Variants in MMRN2 observed in about 807,000 individuals in gnomAD.
MMRN2 encodes multimerin-2.
A neutral mutation model predicts 68.8 loss-of-function variants in MMRN2; 53 were observed. The observed-to-expected ratio is 0.77, with a 90% confidence interval of 0.62 to 0.97. MMRN2 has a LOEUF of 0.97. Ranked by LOEUF, MMRN2 falls within the 50% of genes least tolerant of loss-of-function variation. MMRN2 has a pLI of 0.00. For missense variants in MMRN2, 1,266 were observed against 1,259.5 expected (o/e 1.01, Z -0.08); for synonymous variants, 564 against 551.6 (o/e 1.02, Z -0.32).
chr10:86,946,561 G>C (rs1844071843), intron 1 of MMRN2, among the ~76,000 whole-genome samples: 2 of 152,218 alleles, frequency 1.3e-5, no homozygotes, highest in Non-Finnish European at 2.9e-5. Flanking sequence ...CCCTTCACCA[G>C]CATGTACTGT....
At chr10:86,945,977 C>T (rs1163531592) in intron 1 of MMRN2, among the ~76,000 whole-genome samples, 1 of 152,188 alleles carries the variant, frequency 6.6e-6, no homozygotes, top group African/African-American at 2.4e-5. Context: ...AAAGCAGCTC[C>T]AGGGTGATGA....
intron 6 of MMRN2, 149 bp downstream of exon 6, chr10:86,942,168 C>G: frequency 1.1e-6 from 1 of 899,312 alleles, no homozygotes; most frequent in Non-Finnish European, 1.6e-6. Context: ...CCCTGAGAAG[C>G]AGGTGGGCCA....
intron 6 of MMRN2, among the ~76,000 whole-genome samples, chr10:86,937,797 A>G (rs1020767819): frequency 8.5e-5 from 13 of 152,180 alleles, no homozygotes; most frequent in Admixed American, 6.5e-4. Flanking sequence ...GAAAATATCC[A>G]TCCTCAAGGT....
intron 1 of MMRN2, among the ~76,000 whole-genome samples, chr10:86,955,987 G>A (rs1393660351): frequency 6.6e-6 from 1 of 152,088 alleles, no homozygotes; most frequent in African/African-American, 2.4e-5. Context: ...CCAAGGGGGT[G>A]GGGAGGAAGA....
At chr10:86,939,735 G>A (rs1843936697) in intron 6 of MMRN2, among the ~76,000 whole-genome samples, 1 of 151,972 alleles carries the variant, frequency 6.6e-6, no homozygotes, top group Non-Finnish European at 1.5e-5. Flanking sequence ...TGCAAACTCA[G>A]AGTGTGCTTC....
At position 86,936,248 on chromosome 10, in the gene MMRN2, G is replaced by C; in HGVS notation, c.*495C>G. 1 of 410,860 alleles carries C rather than the reference G, an allele frequency of 2.4e-6. No homozygotes were observed. 25.5% of individuals were successfully genotyped at this position (410,860 alleles called of 1,614,324 possible). ...TGACTAATAGAGACCAAGCAGGTTG[G>C]TTTAATCCCATTGCCCTCTAGTGCT... is the stretch of plus-strand genomic sequence containing the variant. On this transcript the variant is annotated 3_prime_UTR_variant, in exon 7 of 7. Coordinates refer to ENST00000372027, the MANE Select transcript of MMRN2 (RefSeq NM_024756.3).
intron 1 of MMRN2, chr10:86,954,231 G>T: frequency 6.5e-6 from 1 of 152,704 alleles, no homozygotes; most frequent in Non-Finnish European, 1.5e-5. Context: ...GTGGATGTGG[G>T]GCTCCTCTGG....
intron 6 of MMRN2, among the ~76,000 whole-genome samples, chr10:86,940,379 G>A (rs1307763469): frequency 1.3e-5 from 2 of 152,126 alleles, no homozygotes; most frequent in Admixed American, 6.5e-5. Context: ...TTTCCAAACC[G>A]TGGGGCAAAT....
Position 86,944,388 on chromosome 10 carries a change from G to T in MMRN2, c.529C>A (p.Gln177Lys). ...INEVEVQQEQ[Q>K]EHLLGDLQND... ...TGGAGATCTCCCAGCAGATGTTCCT[G>T]CTGTTCCTGTTGCACCTCAACCTCA... The change falls in exon 5 of 7, where the codon CAG becomes AAG. Residue 177 changes from glutamine to lysine, a missense_variant. Gln to Lys is a moderately conservative substitution (Grantham distance 53). Transcript: ENST00000372027. The T allele has an allele frequency of 1.2e-6, 2 of 1,614,016 alleles. No homozygotes were observed. Among genetic ancestry groups the T allele is most frequent in the Non-Finnish European group, 1.7e-6 (2 of 1,180,024 alleles).
chr10:86,938,429 C>T (rs570916110), intron 6 of MMRN2, among the ~76,000 whole-genome samples: 13 of 152,344 alleles, frequency 8.5e-5, no homozygotes, highest in African/African-American at 2.6e-4. Flanking sequence ...GGCCCATGCA[C>T]GGGCACAGAA....
intron 1 of MMRN2, among the ~76,000 whole-genome samples, chr10:86,952,682 G>T (rs1324485683): frequency 6.6e-6 from 1 of 152,182 alleles, no homozygotes; most frequent in Non-Finnish European, 1.5e-5. Flanking sequence ...CTGAGGAAAC[G>T]GGGCAAGGAC....
At chr10:86,953,062 C>T (rs753386565) in intron 1 of MMRN2, among the ~76,000 whole-genome samples, 1 of 152,124 alleles carries the variant, frequency 6.6e-6, no homozygotes, top group Admixed American at 6.5e-5. Context: ...CTCCTTTTGC[C>T]CGACCCCGCA....
Position 86,939,461 on chromosome 10 carries a change from C to CAAA in MMRN2, c.2468-2339_2468-2337dup, listed in dbSNP as rs34692290. 2.2e-3 allele frequency among the ~76,000 whole-genome samples: 162 copies of CAAA among 74,582 alleles called. 3 individuals are homozygous for CAAA. The highest frequency in any genetic ancestry group is 7.9e-3 in the Middle Eastern group (1 of 126). 48.9% of individuals were successfully genotyped at this position (74,582 alleles called of 152,430 possible). Reference sequence around the variant, plus strand: ...TGAGCGAAAGGGCGAGACTCCGTCTCAAAAAAAAAAAAAAAAAAAAAAAAA... The same window carrying CAAA: ...TGAGCGAAAGGGCGAGACTCCGTCTCAAAAAAAAAAAAAAAAAAAAAAAAAAAA... On this transcript the variant is annotated intron_variant, in intron 6 of 6. Coordinates refer to ENST00000372027, the MANE Select transcript of MMRN2 (RefSeq NM_024756.3).
intron 1 of MMRN2, among the ~76,000 whole-genome samples, chr10:86,947,441 T>G (rs1589304497): frequency 6.6e-6 from 1 of 151,936 alleles, no homozygotes; most frequent in African/African-American, 2.4e-5. Context: ...AATCTCGGCT[T>G]GCTGCAACCT....
In MMRN2 at chr10:86,942,784, T is replaced by C; in HGVS notation, c.2000A>G (p.Gln667Arg). The C allele has an allele frequency of 7.3e-7, 1 of 1,368,376 alleles. No individual in the cohort carries two copies. The highest frequency in any genetic ancestry group is 3.1e-5 in the East Asian group (1 of 31,800). 84.8% of individuals were successfully genotyped at this position (1,368,376 alleles called of 1,614,324 possible). Reference sequence around the variant, plus strand: ...TGCCGGCCGCGGGGGCTCCGAGGCCTGCTCCAGGGCCGTCACTCGGGCGGC... The same window carrying C: ...TGCCGGCCGCGGGGGCTCCGAGGCCCGCTCCAGGGCCGTCACTCGGGCGGC... ...ELAARVTALE[Q>R]ASEPPRPAEH... The change falls in exon 6 of 7, where the codon CAG becomes CGG. Residue 667 changes from glutamine (Q) to arginine (R), a missense_variant. By Grantham distance (43) the Gln-to-Arg change is conservative. Transcript: ENST00000372027.
In MMRN2 at chr10:86,936,942, G is replaced by A; in HGVS notation, c.2651C>T (p.Thr884Ile). The A allele has an allele frequency of 3.1e-6, 5 of 1,614,232 alleles. No homozygotes were observed. Among genetic ancestry groups the A allele is most frequent in the Non-Finnish European group, 4.2e-6 (5 of 1,180,042 alleles). The change falls in exon 7 of 7, where the codon ACC becomes ATC. Residue 884 changes from threonine (T) to isoleucine (I), a missense_variant. Transcript: ENST00000372027. ...VSVEFGPGPG[T>I]GQLVFGGHHR... is the part of the protein sequence containing the mutation. ...GTGACCTCCAAACACCAGCTGCCCG[G>A]TGCCTGGCCCTGGGCCAAATTCAAC... is the stretch of plus-strand genomic sequence containing the variant.
rs4244973 is a variant in MMRN2 at position 86,957,383 on chromosome 10, T to A, written c.159A>T (p.Val53=). 0.97 allele frequency: 1,564,375 copies of A among 1,613,054 alleles called. 758,680 individuals are homozygous for A. Among genetic ancestry groups the A allele is most frequent in the East Asian group, 1 (44,882 of 44,888 alleles). Residue 53 remains valine (V), a synonymous_variant, in exon 1 of 7, where the codon GTA becomes GTT. Coordinates refer to ENST00000372027, the MANE Select transcript of MMRN2 (RefSeq NM_024756.3). The part of the protein sequence containing the change: ...AEAEDTGKDP[V]GRNWCPYPMS... ...CAAGGTCCAGGCCCTCTTACCGTCCTACGGGGTCCTTGCCGGTGTCCTCAG... is the reference window on the plus strand; with the variant it reads ...CAAGGTCCAGGCCCTCTTACCGTCCAACGGGGTCCTTGCCGGTGTCCTCAG...
rs373008574 is a variant in MMRN2 at position 86,955,077 on chromosome 10, G to A, written c.164+2301C>T. Among the ~76,000 whole-genome samples, 67 of 152,302 alleles carry A rather than the reference G, an allele frequency of 4.4e-4. 1 individual carries two copies. The highest frequency in any genetic ancestry group is 1.4e-3 in the African/African-American group (59 of 41,568). ...CATCCCCTACACGGCCACCCTCTTG[G>A]GGGGACAGGACAGCCTGGGTGGGCC... is the stretch of plus-strand genomic sequence containing the variant. On this transcript the variant is annotated intron_variant, in intron 1 of 6. Transcript: ENST00000372027.
chr10:86,936,897 G>A lies in MMRN2; in HGVS notation c.2696C>T (p.Thr899Ile). Residue 899 changes from threonine (T) to isoleucine (I), a missense_variant, in exon 7 of 7, where the codon ACC (threonine) becomes ATC (isoleucine). By Grantham distance (89) the Thr-to-Ile change is moderately conservative (BLOSUM62 -1). Coordinates refer to ENST00000372027, the MANE Select transcript of MMRN2 (RefSeq NM_024756.3). ...TGTGCTTCCACTCCCCTGCCCAGTG[G>A]TACAGACTGGAGTCCGATGGTGACC... ...FGGHHRTPVCTTGQGSGSTAT... is the reference protein window; with the variant it reads ...FGGHHRTPVCITGQGSGSTAT... 6.2e-7 allele frequency: 1 copy of A among 1,614,224 alleles called. No individual in the cohort carries two copies. Among genetic ancestry groups the A allele is most frequent in the Non-Finnish European group, 8.5e-7 (1 of 1,180,040 alleles).
Sources: gnomAD v4.1 joint callset for allele counts (sites outside exome capture counted in the v4.1 genomes callset) on GRCh38, gnomAD v4.1.1 for gene constraint, MANE v1.5 for transcripts, NCBI Gene and HGNC (gene_info 2026-07-23, HGNC 2026-07-21) for gene names.